Variants in LMX1A observed in about 807,000 individuals in gnomAD.
LMX1A encodes LIM homeobox transcription factor 1 alpha.
A neutral mutation model predicts 49.1 loss-of-function variants in LMX1A; 15 were observed. The ratio of observed to expected loss-of-function variants is 0.31; its 90% CI spans 0.20 to 0.47. LMX1A has a LOEUF of 0.47. LMX1A is among the 20% of genes least tolerant of loss of function. The probability of loss-of-function intolerance (pLI) is 1.00; values close to 1 mark genes in which losing one functional copy is unlikely to be tolerated. For synonymous variants in LMX1A, 167 were observed against 185.7 expected (o/e 0.90, Z 0.82); for missense variants, 372 against 475.8 (o/e 0.78, Z 2.03).
chr1:165,224,027 G>A (rs1485015635), intron 4 of LMX1A, among the ~76,000 whole-genome samples: 1 of 152,202 alleles, frequency 6.6e-6, no homozygotes, highest in African/African-American at 2.4e-5. Context: ...TGAAGGCAGG[G>A]CCTAGTGGGA....
At chr1:165,297,445 T>C (rs1654647470) in intron 3 of LMX1A, among the ~76,000 whole-genome samples, 1 of 152,160 alleles carries the variant, frequency 6.6e-6, no homozygotes, top group South Asian at 2.1e-4. Context: ...GCCCTGGAAG[T>C]CTGGATTCTT....
intron 3 of LMX1A, among the ~76,000 whole-genome samples, chr1:165,341,856 G>C (rs954559314): frequency 3.9e-5 from 6 of 152,134 alleles, no homozygotes; most frequent in Non-Finnish European, 8.8e-5. Context: ...ACGAATGTTT[G>C]ATGATTAAAT....
At chr1:165,250,638 C>G (rs1328200120) in intron 3 of LMX1A, among the ~76,000 whole-genome samples, 1 of 152,034 alleles carries the variant, frequency 6.6e-6, no homozygotes, top group Non-Finnish European at 1.5e-5. Context: ...ATATGCCAAG[C>G]CAAAAGCAGT....
intron 5 of LMX1A, among the ~76,000 whole-genome samples, chr1:165,211,568 A>G (rs1651395713): frequency 6.6e-6 from 1 of 152,224 alleles, no homozygotes; most frequent in Non-Finnish European, 1.5e-5. Context: ...GGATTGAAAG[A>G]GCTCCTTGAA....
chr1:165,255,586 C>G (rs1235043994), intron 3 of LMX1A, among the ~76,000 whole-genome samples: 1 of 152,196 alleles, frequency 6.6e-6, no homozygotes, highest in Non-Finnish European at 1.5e-5. Context: ...ACTTTGTGAC[C>G]TATAAGGTGT....
chr1:165,325,321 C>T (rs887049965), intron 3 of LMX1A, among the ~76,000 whole-genome samples: 5 of 152,204 alleles, frequency 3.3e-5, no homozygotes, highest in Middle Eastern at 3.4e-3. Flanking sequence ...CTAATTAAAC[C>T]ATTCTATTGT....
intron 3 of LMX1A, among the ~76,000 whole-genome samples, chr1:165,305,260 C>T (rs755118378): frequency 1.5e-4 from 23 of 152,210 alleles, no homozygotes; most frequent in Admixed American, 2.0e-4. Flanking sequence ...ATGGACTCGT[C>T]GACACATATT....
chr1:165,211,570 C>T (rs1651395923), intron 5 of LMX1A, among the ~76,000 whole-genome samples: 2 of 152,160 alleles, frequency 1.3e-5, no homozygotes, highest in African/African-American at 2.4e-5. Context: ...ATTGAAAGAG[C>T]TCCTTGAATA....
At chr1:165,268,925 T>C (rs1363780792) in intron 3 of LMX1A, among the ~76,000 whole-genome samples, 1 of 152,190 alleles carries the variant, frequency 6.6e-6, no homozygotes, top group Admixed American at 6.5e-5. Context: ...AAAGCAGAGC[T>C]ATACTTTCTA....
chr1:165,318,912 T>C (rs1235376137), intron 3 of LMX1A, among the ~76,000 whole-genome samples: 1 of 151,870 alleles, frequency 6.6e-6, no homozygotes, highest in Non-Finnish European at 1.5e-5. Context: ...GAAACAAACT[T>C]ACCTCCTGGT....
At chr1:165,247,048 CTTTT>C (rs1204141626) in intron 4 of LMX1A, among the ~76,000 whole-genome samples, 1 of 21,424 alleles carries the variant, frequency 4.7e-5, no homozygotes, top group Non-Finnish European at 8.0e-5. Context: ...ATCAGATCAG[CTTTT>C]TCTTTTTTTT....
At chr1:165,348,811 T>C (rs934357070) in intron 3 of LMX1A, among the ~76,000 whole-genome samples, 21 of 152,306 alleles carry the variant, frequency 1.4e-4, no homozygotes, top group African/African-American at 5.1e-4. Flanking sequence ...CCTAAGTCGT[T>C]TTCACCACAG....
intron 7 of LMX1A, among the ~76,000 whole-genome samples, chr1:165,206,948 A>G (rs1651109299): frequency 6.6e-6 from 1 of 152,202 alleles, no homozygotes. Flanking sequence ...GCCTAGACCC[A>G]GTGTCAAGCA....
chr1:165,337,055 T>A (rs540666532), intron 3 of LMX1A, among the ~76,000 whole-genome samples: 10 of 152,310 alleles, frequency 6.6e-5, no homozygotes, highest in South Asian at 2.1e-4. Flanking sequence ...CTTGTGGATA[T>A]CTGGAGAAAT....
intron 3 of LMX1A, among the ~76,000 whole-genome samples, chr1:165,334,152 T>C (rs1402903352): frequency 6.6e-6 from 1 of 152,096 alleles, no homozygotes; most frequent in African/African-American, 2.4e-5. Context: ...AAACCCAAGA[T>C]TGAGTTAGTA....
intron 4 of LMX1A, among the ~76,000 whole-genome samples, chr1:165,246,533 A>T (rs1652854583): frequency 6.6e-6 from 1 of 152,178 alleles, no homozygotes; most frequent in African/African-American, 2.4e-5. Flanking sequence ...TCTTTGTTAG[A>T]TCTAATAATT....
intron 3 of LMX1A, among the ~76,000 whole-genome samples, chr1:165,309,319 T>G (rs554629709): frequency 1.3e-5 from 2 of 152,188 alleles, no homozygotes; most frequent in Non-Finnish European, 2.9e-5. Flanking sequence ...GGATCAACTT[T>G]AATAACAAAA....
At chr1:165,210,668 TG>T in intron 6 of LMX1A, 30 bp downstream of exon 6, 1 of 1,550,342 alleles carries the variant, frequency 6.5e-7, no homozygotes, top group Non-Finnish European at 8.9e-7. Context: ...ACCAGCAACA[TG>T]GGGACAGATA....
chr1:165,352,898 T>A (rs1428190796), intron 3 of LMX1A, among the ~76,000 whole-genome samples, 178 bp downstream of exon 3: 1 of 152,210 alleles, frequency 6.6e-6, no homozygotes, highest in Admixed American at 6.5e-5. Context: ...CCCGCGCGGA[T>A]CTCTGCCCTA....
Sources: gnomAD v4.1 joint callset for allele counts (sites outside exome capture counted in the v4.1 genomes callset) on GRCh38, gnomAD v4.1.1 for gene constraint, MANE v1.5 for transcripts, NCBI Gene and HGNC (gene_info 2026-07-23, HGNC 2026-07-21) for gene names.